Variants in DCLK2 observed in about 807,000 individuals in gnomAD.
DCLK2 encodes serine/threonine-protein kinase DCLK2.
Under a neutral mutation model 78.4 loss-of-function variants are expected in DCLK2, and 31 were observed. The ratio of observed to expected loss-of-function variants is 0.40; its 90% CI spans 0.30 to 0.53. DCLK2 has a LOEUF of 0.53. Ranked by LOEUF, DCLK2 falls within the 20% of genes least tolerant of loss-of-function variation. DCLK2 has a pLI of 0.61. For synonymous variants in DCLK2, 407 were observed against 374.9 expected (o/e 1.09, Z -0.99); for missense variants, 872 against 973.7 (o/e 0.90, Z 1.39).
intron 2 of DCLK2, among the ~76,000 whole-genome samples, chr4:150,161,390 CTG>C (rs1255179218): frequency 6.6e-6 from 1 of 152,114 alleles, no homozygotes; most frequent in African/African-American, 2.4e-5. Flanking sequence ...AGATACAAGT[CTG>C]TGTTTGTGTG....
intron 2 of DCLK2, among the ~76,000 whole-genome samples, chr4:150,131,561 A>G (rs1267834526): frequency 6.6e-6 from 1 of 152,126 alleles, no homozygotes; most frequent in Admixed American, 6.5e-5. Flanking sequence ...CCATGAAAAT[A>G]TCTTGTAAGA....
chr4:150,171,665 T>G (rs1447976951), intron 2 of DCLK2, among the ~76,000 whole-genome samples: 1 of 152,162 alleles, frequency 6.6e-6, no homozygotes, highest in Non-Finnish European at 1.5e-5. Flanking sequence ...GAACTCAACC[T>G]TGAGGTAGCA....
intron 9 of DCLK2, 36 bp from the exon 10 acceptor site, chr4:150,232,646 T>C (rs754068773): frequency 2.4e-5 from 38 of 1,606,650 alleles, no homozygotes; most frequent in Non-Finnish European, 3.0e-5. Flanking sequence ...GATTGCACTG[T>C]TGATGCTTTG....
intron 10 of DCLK2, among the ~76,000 whole-genome samples, chr4:150,235,934 G>A (rs1458160072): frequency 6.6e-6 from 1 of 152,214 alleles, no homozygotes; most frequent in Non-Finnish European, 1.5e-5. Context: ...GGCCGTTAAT[G>A]CTGTGAGTTA....
intron 2 of DCLK2, among the ~76,000 whole-genome samples, chr4:150,185,402 A>T (rs889822246): frequency 1.3e-5 from 2 of 151,658 alleles, no homozygotes; most frequent in African/African-American, 4.8e-5. Flanking sequence ...ACAGAGCCAG[A>T]TCATATCATG....
intron 2 of DCLK2, among the ~76,000 whole-genome samples, chr4:150,186,982 C>T (rs1018538394): frequency 1.3e-5 from 2 of 151,590 alleles, no homozygotes; most frequent in African/African-American, 4.8e-5. Flanking sequence ...TTGCATTAGA[C>T]TAAAGAGGTC....
At chr4:150,247,552 A>C in intron 12 of DCLK2, 51 bp from the exon 13 acceptor site, 2 of 1,566,702 alleles carry the variant, frequency 1.3e-6, no homozygotes, top group Non-Finnish European at 1.8e-6. Context: ...TTTTGTTGAA[A>C]AATTCTACGG....
At chr4:150,185,593 A>T (rs1224412368) in intron 2 of DCLK2, among the ~76,000 whole-genome samples, 1 of 152,064 alleles carries the variant, frequency 6.6e-6, no homozygotes, top group Non-Finnish European at 1.5e-5. Context: ...GGGTGCCTGT[A>T]ATCCCAACTA....
intron 1 of DCLK2, among the ~76,000 whole-genome samples, chr4:150,097,498 G>C (rs758058048): frequency 6.6e-5 from 10 of 152,102 alleles, no homozygotes; most frequent in Non-Finnish European, 2.9e-5. Flanking sequence ...CTTTCTTCTT[G>C]AATAAGAGGC....
chr4:150,108,678 C>G (rs922398253), intron 2 of DCLK2, among the ~76,000 whole-genome samples: 2 of 151,858 alleles, frequency 1.3e-5, no homozygotes, highest in Non-Finnish European at 2.9e-5. Flanking sequence ...TAAAATACAG[C>G]AAGGAGAATT....
intron 2 of DCLK2, among the ~76,000 whole-genome samples, chr4:150,109,080 C>T (rs1310334460): frequency 3.9e-5 from 6 of 152,268 alleles, no homozygotes; most frequent in African/African-American, 1.2e-4. Flanking sequence ...GCTACCATAA[C>T]ATAAATAATA....
chr4:150,100,378 A>G (rs1246703055), intron 1 of DCLK2, among the ~76,000 whole-genome samples: 1 of 152,232 alleles, frequency 6.6e-6, no homozygotes, highest in Non-Finnish European at 1.5e-5. Context: ...TTTAGGAAGC[A>G]TCTCTCCTTG....
chr4:150,218,977 G>A (rs1204415778), intron 5 of DCLK2, among the ~76,000 whole-genome samples: 2 of 152,180 alleles, frequency 1.3e-5, no homozygotes, highest in East Asian at 3.8e-4. Context: ...GCTGAGGCAG[G>A]CAGATGGCTT....
intron 1 of DCLK2, among the ~76,000 whole-genome samples, chr4:150,091,708 A>G (rs995833699): frequency 9.2e-5 from 14 of 151,732 alleles, no homozygotes; most frequent in African/African-American, 3.4e-4. Flanking sequence ...TAAAACTGCT[A>G]TTGTTAAAAT....
intron 5 of DCLK2, among the ~76,000 whole-genome samples, chr4:150,209,153 C>T (rs868750860): frequency 2.0e-5 from 3 of 152,240 alleles, no homozygotes; most frequent in Non-Finnish European, 4.4e-5. Flanking sequence ...TAAAGGCTAA[C>T]GCCATCCAGC....
At chr4:150,161,364 C>T (rs1269488059) in intron 2 of DCLK2, among the ~76,000 whole-genome samples, 3 of 152,014 alleles carry the variant, frequency 2.0e-5, no homozygotes, top group African/African-American at 7.2e-5. Context: ...ACTTGATAGG[C>T]CTTCCCTCAA....
intron 2 of DCLK2, among the ~76,000 whole-genome samples, chr4:150,172,768 G>A (rs12019272): frequency 1.4e-5 from 2 of 144,088 alleles, no homozygotes; most frequent in South Asian, 2.3e-4. Flanking sequence ...TTTGGGGGGG[G>A]GGGGGATACC....
chr4:150,140,149 A>G (rs72965585), intron 2 of DCLK2, among the ~76,000 whole-genome samples: 2,191 of 152,316 alleles, frequency 0.014, 41 homozygotes, highest in African/African-American at 0.046. Flanking sequence ...AAACATAAAC[A>G]TAATAAATTT....
intron 2 of DCLK2, among the ~76,000 whole-genome samples, chr4:150,175,191 TTATCTA>T (rs1401734596): frequency 1.5e-5 from 1 of 67,970 alleles, no homozygotes; most frequent in African/African-American, 7.8e-5. Flanking sequence ...TATTTATAAT[TTATCTA>T]TATATATTTA....
Sources: allele counts gnomAD v4.1 joint callset (sites outside exome capture counted in the v4.1 genomes callset), GRCh38; gene constraint gnomAD v4.1.1; transcripts MANE v1.5; gene names NCBI Gene and HGNC (gene_info 2026-07-23, HGNC 2026-07-21).